The following TTBK1 variants were observed in gnomAD, a reference collection of about 807,000 sequenced individuals.
TTBK1 encodes tau-tubulin kinase 1.
Under a neutral mutation model 108.5 loss-of-function variants are expected in TTBK1, and 34 were observed. The observed-to-expected ratio is 0.31, with a 90% CI of 0.24 to 0.42. The LOEUF (loss-of-function observed/expected upper bound fraction) is 0.42. TTBK1 is among the 10% of genes least tolerant of loss of function. The pLI, the probability that TTBK1 is intolerant of heterozygous loss-of-function variation, is 1.00. For synonymous variants in TTBK1, 809 were observed against 795.1 expected (o/e 1.02, Z -0.29); for missense variants, 1,539 against 1,826.0 (o/e 0.84, Z 2.86).
At chr6:43,260,651 T>C (rs903570061) in intron 12 of TTBK1, among the ~76,000 whole-genome samples, 3 of 151,998 alleles carry the variant, frequency 2.0e-5, no homozygotes, top group Admixed American at 6.6e-5. Context: ...TGGGAAGGGA[T>C]ATGAGTGGAG....
rs201098083 is a variant in TTBK1, at chr6:43,283,747, C to T, written c.3007C>T (p.Arg1003Trp). 1.4e-4 allele frequency: 227 copies of T among 1,613,592 alleles called. 1 individual carries two copies. The highest frequency in any genetic ancestry group is 1.0e-3 in the East Asian group (46 of 44,856). ...GGGCTCTGCCCTGTCTGGGGCCCCCCGGGAAACCCCCTCAGAGATGGCCAC... is the reference window on the plus strand; with the variant it reads ...GGGCTCTGCCCTGTCTGGGGCCCCCTGGGAAACCCCCTCAGAGATGGCCAC... ...IEGSALSGAPRETPSEMATNS... is the reference protein window; with the variant it reads ...IEGSALSGAPWETPSEMATNS... The change falls in exon 14 of 15, where the codon CGG becomes TGG. Residue 1003 changes from arginine to tryptophan, a missense_variant. This residue lies in a region of TTBK1 where 1,055 missense variants were observed against 1,086.5 expected (regional missense o/e 0.97). Transcript: ENST00000259750. The surrounding 1 kb of genome is among the most constrained non-coding windows in gnomAD (Gnocchi z 8.1).
Position 43,273,042 on chromosome 6 carries a change from G to A in TTBK1, c.1987-9685G>A, listed in dbSNP as rs1271266856. ...GCCACTGGCACACAGTGCTTATTATGTGCCAGGCAGCGATCTAAGCACTTT... is the reference window on the plus strand; with the variant it reads ...GCCACTGGCACACAGTGCTTATTATATGCCAGGCAGCGATCTAAGCACTTT... On this transcript the variant is annotated intron_variant, in intron 13 of 14. Transcript: ENST00000259750. The surrounding 1 kb of genome is among the most constrained non-coding windows in gnomAD (Gnocchi z 4.2). Among the ~76,000 whole-genome samples the A allele has an allele frequency of 2.0e-5, 3 of 152,152 alleles. No homozygotes were observed. The highest frequency in any genetic ancestry group is 4.8e-5 in the African/African-American group (2 of 41,408).
chr6:43,253,800 A>G lies in TTBK1; in HGVS notation c.471+92A>G. The G allele has an allele frequency of 2.0e-6, 3 of 1,478,318 alleles. No homozygotes were observed. Among genetic ancestry groups the G allele is most frequent in the South Asian group, 1.4e-5 (1 of 71,970 alleles). 91.6% of individuals were successfully genotyped at this position (1,478,318 alleles called of 1,614,324 possible). On this transcript the variant is annotated intron_variant, in intron 5 of 14. Transcript: ENST00000259750. The surrounding 1 kb of genome is among the most constrained non-coding windows in gnomAD (Gnocchi z 5.8). ...GTCTCCTGGTTTCTCCTCTGCAACCATGGTTGGGACTTGTGATGGGACAGC... is the reference window on the plus strand; with the variant it reads ...GTCTCCTGGTTTCTCCTCTGCAACCGTGGTTGGGACTTGTGATGGGACAGC...
In TTBK1 at chr6:43,269,499, A is replaced by AG; in HGVS notation, c.1986+6149_1986+6150insG. 1 of 889,892 alleles carries AG rather than the reference A, an allele frequency of 1.1e-6. No homozygotes were observed. Among genetic ancestry groups the AG allele is most frequent in the Non-Finnish European group, 1.6e-6 (1 of 617,582 alleles). 55.1% of individuals were successfully genotyped at this position (889,892 alleles called of 1,614,324 possible). A position where few individuals can be genotyped will look rare whatever the true frequency, so the allele number is the denominator to read the frequency against. ...CAGGACCTTGGGGCGGGTGGTTTGCACCCTCCTCCACCCTGCCTGACCCCG... is the reference window on the plus strand; with the variant it reads ...CAGGACCTTGGGGCGGGTGGTTTGCAGCCCTCCTCCACCCTGCCTGACCCCG... On this transcript the variant is annotated intron_variant, in intron 13 of 14. Transcript: ENST00000259750. The surrounding 1 kb of genome is among the most constrained non-coding windows in gnomAD (Gnocchi z 4.8).
rs1777408353 is a variant in TTBK1 at position 43,257,324 on chromosome 6, G to A, written c.862-488G>A. ...GCTAGGGATGCAGAGTTGACAGATAGGCATGTGGACAATTCAAACTGATGC... is the reference window on the plus strand; with the variant it reads ...GCTAGGGATGCAGAGTTGACAGATAAGCATGTGGACAATTCAAACTGATGC... On this transcript the variant is annotated intron_variant, in intron 9 of 14. Transcript: ENST00000259750. The surrounding 1 kb of genome is among the most constrained non-coding windows in gnomAD (Gnocchi z 4.5). 6.6e-6 allele frequency among the ~76,000 whole-genome samples: 1 copy of A among 152,194 alleles called. No individual in the cohort carries two copies. The highest frequency in any genetic ancestry group is 1.5e-5 in the Non-Finnish European group (1 of 68,032).
At chr6:43,266,670 G>T (rs1777684891) in intron 13 of TTBK1, among the ~76,000 whole-genome samples, 1 of 151,758 alleles carries the variant, frequency 6.6e-6, no homozygotes, top group Non-Finnish European at 1.5e-5. Flanking sequence ...AGGCTGGAGT[G>T]CAATGGCGTG....
In TTBK1 at chr6:43,263,724, C is replaced by G. The variant is rs957727098; in HGVS notation, c.1986+374C>G. Among the ~76,000 whole-genome samples, 9 of 152,180 alleles carry G rather than the reference C, an allele frequency of 5.9e-5. No individual in the cohort carries two copies. Among genetic ancestry groups the G allele is most frequent in the Non-Finnish European group, 1.2e-4 (8 of 68,028 alleles). On this transcript the variant is annotated intron_variant, in intron 13 of 14. Coordinates refer to ENST00000259750, the MANE Select transcript of TTBK1 (RefSeq NM_032538.3). This position sits in a 1 kb window ranked among gnomAD's most constrained non-coding sequence, Gnocchi z 4.7. Reference sequence around the variant, plus strand: ...GTGAGGTCAGCCCTGGGCCCTGCCACGGAGGGACTTGGGGCTATACTAAGG... The same window carrying G: ...GTGAGGTCAGCCCTGGGCCCTGCCAGGGAGGGACTTGGGGCTATACTAAGG...
rs1024057343 is a variant in TTBK1 at position 43,286,474 on chromosome 6, C to T, written c.*1098C>T. On this transcript the variant is annotated 3_prime_UTR_variant, in exon 15 of 15. Transcript: ENST00000259750. This position sits in a 1 kb window ranked among gnomAD's most constrained non-coding sequence, Gnocchi z 4.6. Reference sequence around the variant, plus strand: ...GGTGGGGTCACCCTCCCTGTCCTCCCGCCTGTGGGAGGGAGGGAGGGCTGG... The same window carrying T: ...GGTGGGGTCACCCTCCCTGTCCTCCTGCCTGTGGGAGGGAGGGAGGGCTGG... 6.6e-6 allele frequency: 1 copy of T among 152,642 alleles called. No homozygotes were observed. The highest frequency in any genetic ancestry group is 2.4e-5 in the African/African-American group (1 of 41,436). 9.5% of individuals were successfully genotyped at this position (152,642 alleles called of 1,614,324 possible).
intron 10 of TTBK1, 91 bp downstream of exon 10, chr6:43,258,057 G>A: frequency 7.1e-7 from 1 of 1,413,176 alleles, no homozygotes; most frequent in South Asian, 1.4e-5. Context: ...TTCCTATCTG[G>A]ACACACTTGG....
chr6:43,271,120 C>A, intron 13 of TTBK1: 1 of 985,522 alleles, frequency 1.0e-6, no homozygotes, highest in Non-Finnish European at 1.2e-6. Context: ...TGTCAGCCAG[C>A]ACCTCTGTTC....
rs369429027 is a variant in TTBK1 at position 43,272,766 on chromosome 6, C to T, written c.1986+9416C>T. 34 of 728,976 alleles carry T rather than the reference C, an allele frequency of 4.7e-5. No individual in the cohort carries two copies. The South Asian group carries it at 1.2e-3, about 27-fold the overall frequency. The allele number at this position is 728,976 out of a possible 1,614,324, so 45.2% of individuals were successfully genotyped here. A position where few individuals can be genotyped will look rare whatever the true frequency, so the allele number is the denominator to read the frequency against. On this transcript the variant is annotated intron_variant, in intron 13 of 14. Coordinates refer to ENST00000259750, the MANE Select transcript of TTBK1 (RefSeq NM_032538.3). ...TGGTTTGGGTCGAGTTGCTGGTCTC[C>T]GGTTCCCAGGCTAGGTGGGGATGCT...
rs1778283622 is a variant in TTBK1 at position 43,284,123 on chromosome 6, G to C, written c.3383G>C (p.Gly1128Ala). ...RRASETLSGTGSEEDTPASEP... is the reference protein window; with the variant it reads ...RRASETLSGTASEEDTPASEP... ...GCCTCTGAGACCCTCTCAGGCACGG[G>C]CTCTGAGGAGGACACGCCCGCCTCT... Residue 1128 changes from glycine (G) to alanine (A), a missense_variant, in exon 14 of 15, where the codon GGC (glycine) becomes GCC (alanine). By Grantham distance (60) the Gly-to-Ala change is moderately conservative. Transcript: ENST00000259750. 6.5e-7 allele frequency: 1 copy of C among 1,540,050 alleles called. No homozygotes were observed. Among genetic ancestry groups the C allele is most frequent in the African/African-American group, 1.4e-5 (1 of 73,130 alleles).
chr6:43,267,242 T>A (rs992840559), intron 13 of TTBK1, among the ~76,000 whole-genome samples: 1 of 152,134 alleles, frequency 6.6e-6, no homozygotes, highest in African/African-American at 2.4e-5. Flanking sequence ...AGAAATGGAC[T>A]GGCCTATTTT....
intron 2 of TTBK1, among the ~76,000 whole-genome samples, chr6:43,249,251 G>C (rs1777177254): frequency 6.6e-6 from 1 of 152,036 alleles, no homozygotes; most frequent in South Asian, 2.1e-4. Context: ...CCCAGAGCTG[G>C]CCAAGAAACC....
At chr6:43,267,824 C>T (rs1431316461) in intron 13 of TTBK1, among the ~76,000 whole-genome samples, 2 of 152,154 alleles carry the variant, frequency 1.3e-5, no homozygotes, top group Admixed American at 1.3e-4. Flanking sequence ...GCGCTGAGTA[C>T]ACAGACACTG....
In TTBK1 at chr6:43,283,182, G is replaced by A. The variant is rs1308956424; in HGVS notation, c.2442G>A (p.Lys814=). 1 of 1,554,672 alleles carries A rather than the reference G, an allele frequency of 6.4e-7. No individual in the cohort carries two copies. The highest frequency in any genetic ancestry group is 1.9e-5 in the Admixed American group (1 of 51,338). ...APSTLLADDQ[K]ESRGRASMAD... ...CCACGCTGCTGGCAGACGATCAGAA[G>A]GAGTCCAGGGGCCGGGCCTCCATGG... Residue 814 remains lysine (K), a synonymous_variant, in exon 14 of 15, where the codon AAG becomes AAA. Coordinates refer to ENST00000259750, the MANE Select transcript of TTBK1 (RefSeq NM_032538.3). This position sits in a 1 kb window ranked among gnomAD's most constrained non-coding sequence, Gnocchi z 8.1.
rs1019806815 is a variant in TTBK1, at chr6:43,269,981, G to T, written c.1986+6631G>T. 4.2e-6 allele frequency: 6 copies of T among 1,430,244 alleles called. No individual in the cohort carries two copies. In the African/African-American group the frequency reaches 8.7e-5, roughly 21 times the overall value. 88.6% of individuals were successfully genotyped at this position (1,430,244 alleles called of 1,614,324 possible). The stretch of plus-strand genomic sequence containing the variant: ...GGCCCCCCCCCTCCTGGAGGGGGCA[G>T]GTGGGGGGGGGTGGGGAGCAGGCAG... On this transcript the variant is annotated intron_variant, in intron 13 of 14. Coordinates refer to ENST00000259750, the MANE Select transcript of TTBK1 (RefSeq NM_032538.3). This position sits in a 1 kb window ranked among gnomAD's most constrained non-coding sequence, Gnocchi z 4.8.
rs1489122642 is a variant in TTBK1 at position 43,282,625 on chromosome 6, G to A, written c.1987-102G>A. ...TTATGGAGCTCACACTCTGGTAGACGACCTGGGCCTGTGAGTCTCCTAGGT... is the reference window on the plus strand; with the variant it reads ...TTATGGAGCTCACACTCTGGTAGACAACCTGGGCCTGTGAGTCTCCTAGGT... On this transcript the variant is annotated intron_variant, in intron 13 of 14. Transcript: ENST00000259750. The surrounding 1 kb of genome is among the most constrained non-coding windows in gnomAD (Gnocchi z 5.4). The A allele has an allele frequency of 6.3e-6, 6 of 959,288 alleles. No homozygotes were observed. Among genetic ancestry groups the A allele is most frequent in the East Asian group, 4.8e-5 (2 of 41,618 alleles). The allele number at this position is 959,288 out of a possible 1,614,324, so 59.4% of individuals were successfully genotyped here. A position where few individuals can be genotyped will look rare whatever the true frequency, so the allele number is the denominator to read the frequency against.
chr6:43,248,984 T>C (rs1777169743), intron 2 of TTBK1, among the ~76,000 whole-genome samples: 1 of 152,116 alleles, frequency 6.6e-6, no homozygotes, highest in African/African-American at 2.4e-5. Flanking sequence ...ACCAAGTAGA[T>C]TTGTATTCCC....
Sources: gnomAD v4.1 joint callset for allele counts (sites outside exome capture counted in the v4.1 genomes callset) on GRCh38, gnomAD v4.1.1 for gene constraint, gnomAD v4.1.1 regional missense constraint, Gnocchi (gnomAD v3.1) non-coding constraint, MANE v1.5 for transcripts, NCBI Gene and HGNC (gene_info 2026-07-23, HGNC 2026-07-21) for gene names.